The following DENND1B variants were observed in gnomAD, a reference collection of about 807,000 sequenced individuals.
DENND1B encodes DENN domain-containing protein 1B.
Under a neutral mutation model 90.1 loss-of-function variants are expected in DENND1B, and 59 were observed. The observed-to-expected ratio is 0.65, with a 90% CI of 0.53 to 0.81. The LOEUF (loss-of-function observed/expected upper bound fraction) is 0.81, where lower values mean the gene tolerates loss of function less well. Ranked by LOEUF, DENND1B falls within the 40% of genes least tolerant of loss-of-function variation. DENND1B has a pLI of 0.00. For missense variants in DENND1B, 862 were observed against 912.6 expected (o/e 0.94, Z 0.71); for synonymous variants, 337 against 324.6 (o/e 1.04, Z -0.41).
intron 3 of DENND1B, chr1:197,688,780 T>A (rs537041411): frequency 3.2e-5 from 5 of 157,794 alleles, no homozygotes; most frequent in African/African-American, 1.2e-4. Context: ...AAAAGACTCA[T>A]ATCAACATCA....
At chr1:197,515,254 C>T (rs562560129) in intron 20 of DENND1B, among the ~76,000 whole-genome samples, 8 of 151,600 alleles carry the variant, frequency 5.3e-5, no homozygotes, top group Non-Finnish European at 8.9e-5. Context: ...TCCATAAGTT[C>T]AGGGATTAGA....
chr1:197,546,591 T>C (rs1173809228), intron 17 of DENND1B, 142 bp downstream of exon 17: 2 of 755,706 alleles, frequency 2.6e-6, no homozygotes, highest in Admixed American at 7.5e-5. Flanking sequence ...AAACGTAAAA[T>C]AAGAATATTT....
chr1:197,776,057 C>T (rs1324375703), upstream of DENND1B, among the ~76,000 whole-genome samples: 1 of 152,164 alleles, frequency 6.6e-6, no homozygotes, highest in African/African-American at 2.4e-5. Flanking sequence ...ATTCCTATAC[C>T]ACAGACTGCA....
chr1:197,563,542 A>G (rs1395972859), intron 15 of DENND1B, among the ~76,000 whole-genome samples: 2 of 151,958 alleles, frequency 1.3e-5, no homozygotes, highest in Non-Finnish European at 2.9e-5. Flanking sequence ...GACTCCTTTC[A>G]AAACATGACT....
At chr1:197,714,247 A>G (rs1660400810) in intron 3 of DENND1B, among the ~76,000 whole-genome samples, 9 of 151,950 alleles carry the variant, frequency 5.9e-5, no homozygotes, top group Admixed American at 5.9e-4. Context: ...TGCTAGGATT[A>G]CAGGCGTGAG....
chr1:197,523,451 A>C (rs1174395103), intron 20 of DENND1B, among the ~76,000 whole-genome samples: 2 of 152,158 alleles, frequency 1.3e-5, no homozygotes, highest in Admixed American at 1.3e-4. Context: ...ACGGGGGCGC[A>C]TGGCCCACTT....
intron 2 of DENND1B, 58 bp from the exon 3 acceptor site, chr1:197,715,132 AG>A: frequency 6.9e-7 from 1 of 1,447,124 alleles, no homozygotes; most frequent in Non-Finnish European, 9.6e-7. Flanking sequence ...TTAAAGGAAC[AG>A]TCTTGGTTAA....
Position 197,751,971 on chromosome 1 carries a change from GAGAAGGAGA to G in DENND1B, c.82+20888_82+20896del, listed in dbSNP as rs1287028646. On this transcript the variant is annotated intron_variant, in intron 2 of 22. Coordinates refer to ENST00000620048, the MANE Select transcript of DENND1B (RefSeq NM_001195215.2). ...AGGAGGAGGAAGGGGGGAGGAGGAGGAGAAGGAGAAGAAGAAGAAGAAGAAGTAGAAGGA... is the reference window on the plus strand; with the variant it reads ...AGGAGGAGGAAGGGGGGAGGAGGAGGAGAAGAAGAAGAAGAAGTAGAAGGA... Among the ~76,000 whole-genome samples the G allele has an allele frequency of 1.7e-3, 163 of 97,082 alleles. 3 individuals are homozygous for G. Among genetic ancestry groups the G allele is most frequent in the African/African-American group, 5.6e-3 (157 of 28,196 alleles). The allele number at this position is 97,082 out of a possible 152,430, so 63.7% of individuals were successfully genotyped here.
intron 14 of DENND1B, among the ~76,000 whole-genome samples, chr1:197,594,266 G>A (rs1025986730): frequency 7.2e-5 from 11 of 152,152 alleles, no homozygotes; most frequent in African/African-American, 2.7e-4. Context: ...TAATTCAGAA[G>A]TCAGTTTAGA....
At chr1:197,644,774 T>C (rs1680586811) in intron 9 of DENND1B, among the ~76,000 whole-genome samples, 1 of 152,212 alleles carries the variant, frequency 6.6e-6, no homozygotes, top group Non-Finnish European at 1.5e-5. Flanking sequence ...TTCTTGGACT[T>C]CCTTCACTAC....
At chr1:197,546,918 C>T (rs1670854015) in intron 16 of DENND1B, 145 bp from the exon 17 acceptor site, 6 of 631,410 alleles carry the variant, frequency 9.5e-6, no homozygotes, top group African/African-American at 3.8e-5. Flanking sequence ...TAAAATCCAG[C>T]GATCAACATA....
At chr1:197,661,828 C>T (rs1654434222) in intron 5 of DENND1B, among the ~76,000 whole-genome samples, 1 of 151,764 alleles carries the variant, frequency 6.6e-6, no homozygotes, top group Non-Finnish European at 1.5e-5. Context: ...TTTTAATTTC[C>T]TTTCAAATTG....
At chr1:197,516,883 ATTATT>A in intron 20 of DENND1B, among the ~76,000 whole-genome samples, 1 of 151,974 alleles carries the variant, frequency 6.6e-6, no homozygotes, top group South Asian at 2.1e-4. Flanking sequence ...AAATATATAC[ATTATT>A]TTAACACAAT....
chr1:197,650,442 T>C (rs779336711), intron 7 of DENND1B, among the ~76,000 whole-genome samples: 1 of 152,170 alleles, frequency 6.6e-6, no homozygotes. Context: ...ACAGCCACTA[T>C]GAAAAAACAG....
At chr1:197,606,015 G>C (rs1023349360) in intron 13 of DENND1B, 2 of 150,720 alleles carry the variant, frequency 1.3e-5, no homozygotes, top group Non-Finnish European at 3.0e-5. Flanking sequence ...ATGCTCTGAA[G>C]GCATTTTTAT....
chr1:197,662,632 T>G (rs1654529601), intron 5 of DENND1B, among the ~76,000 whole-genome samples: 2 of 152,030 alleles, frequency 1.3e-5, no homozygotes, highest in African/African-American at 4.8e-5. Context: ...GTTACATGTG[T>G]GTGTATACAT....
intron 4 of DENND1B, among the ~76,000 whole-genome samples, chr1:197,673,494 G>C (rs762510031): frequency 6.6e-6 from 1 of 151,944 alleles, no homozygotes; most frequent in Admixed American, 6.6e-5. Flanking sequence ...TGAAAATAGA[G>C]TATAAAAATC....
intron 7 of DENND1B, among the ~76,000 whole-genome samples, chr1:197,649,621 T>G (rs1318256271): frequency 6.6e-6 from 1 of 151,896 alleles, no homozygotes; most frequent in African/African-American, 2.4e-5. Flanking sequence ...AGCAGAGAAA[T>G]GACACTCTTT....
intron 5 of DENND1B, among the ~76,000 whole-genome samples, chr1:197,668,896 G>A (rs896173401): frequency 2.0e-5 from 3 of 151,922 alleles, no homozygotes; most frequent in Admixed American, 2.0e-4. Context: ...CATGAAGTGT[G>A]TTTTCCCTCA....
Sources: gnomAD v4.1 joint callset for allele counts (sites outside exome capture counted in the v4.1 genomes callset) on GRCh38, gnomAD v4.1.1 for gene constraint, MANE v1.5 for transcripts, NCBI Gene and HGNC (gene_info 2026-07-23, HGNC 2026-07-21) for gene names.